The following FYN variants were observed in gnomAD, a reference collection of about 807,000 sequenced individuals.
FYN encodes the protein tyrosine-protein kinase Fyn.
FYN carries 10 observed loss-of-function variants against 70.2 expected under a neutral mutation model. That is an observed-to-expected ratio of 0.14 (90% CI 0.09 to 0.24). The LOEUF (loss-of-function observed/expected upper bound fraction) is 0.24. Among genes scored for constraint, FYN ranks in the 10% least tolerant of loss-of-function variants. FYN has a pLI of 1.00. For missense variants in FYN, 319 were observed against 673.1 expected, an observed-to-expected ratio of 0.47 and a Z score of 5.82; for synonymous variants, 236 against 248.6, an observed-to-expected ratio of 0.95 and a Z score of 0.48.
intron 2 of FYN, among the ~76,000 whole-genome samples, chr6:111,795,499 C>T (rs1447264647): frequency 2.6e-5 from 4 of 152,154 alleles, no homozygotes; most frequent in African/African-American, 7.2e-5. Context: ...CAAATTAGTA[C>T]AGGAATCACA....
chr6:111,733,237 T>C (rs1801549626), intron 3 of FYN, among the ~76,000 whole-genome samples: 1 of 152,196 alleles, frequency 6.6e-6, no homozygotes, highest in Non-Finnish European at 1.5e-5. Context: ...ACCTTTTACA[T>C]ATGCTATCTC....
rs1799604371 is a variant in FYN, at chr6:111,696,989, C to T, written c.863-533G>A. ...TGACTGAGTCCTTGCACAGGTGTGC[C>T]AAGCATGCTGATAAGCACTGGCAAG... On this transcript the variant is annotated intron_variant, in intron 9 of 13. Coordinates refer to ENST00000354650, the MANE Select transcript of FYN (RefSeq NM_002037.5). Among the ~76,000 whole-genome samples, 7 of 152,296 alleles carry T rather than the reference C, an allele frequency of 4.6e-5. No individual in the cohort carries two copies. The South Asian group carries it at 1.4e-3, about 32-fold the overall frequency.
At chr6:111,695,100 G>GGTC (rs769113413) in intron 10 of FYN, among the ~76,000 whole-genome samples, 20 of 152,292 alleles carry the variant, frequency 1.3e-4, no homozygotes, top group Non-Finnish European at 1.9e-4. Flanking sequence ...CCAAAACTGT[G>GGTC]GTCCTGGGAC....
At chr6:111,809,368 G>C (rs1344772331) in intron 2 of FYN, among the ~76,000 whole-genome samples, 5 of 152,208 alleles carry the variant, frequency 3.3e-5, no homozygotes, top group Non-Finnish European at 7.3e-5. Flanking sequence ...TAACCAATGA[G>C]AGACATTTAC....
intron 3 of FYN, among the ~76,000 whole-genome samples, chr6:111,727,187 A>C (rs1217950341): frequency 6.6e-6 from 1 of 152,114 alleles, no homozygotes; most frequent in Non-Finnish European, 1.5e-5. Context: ...GAGATGCTGG[A>C]CCATACTAGG....
intron 3 of FYN, among the ~76,000 whole-genome samples, chr6:111,755,437 G>C (rs1225965048): frequency 1.3e-5 from 2 of 152,184 alleles, no homozygotes; most frequent in Non-Finnish European, 2.9e-5. Flanking sequence ...TACAGTGAGA[G>C]ATTTTAATAA....
At chr6:111,768,129 G>A (rs978613841) in intron 3 of FYN, among the ~76,000 whole-genome samples, 4 of 152,206 alleles carry the variant, frequency 2.6e-5, no homozygotes, top group Non-Finnish European at 2.9e-5. Context: ...GCACACATGC[G>A]TGTATGTGGT....
At chr6:111,779,465 A>G (rs1441113888) in intron 3 of FYN, among the ~76,000 whole-genome samples, 1 of 152,132 alleles carries the variant, frequency 6.6e-6, no homozygotes, top group African/African-American at 2.4e-5. Context: ...GGTATCATCT[A>G]CCCCCACCCT....
At chr6:111,760,017 C>A in intron 3 of FYN, 1 of 151,422 alleles carries the variant, frequency 6.6e-6, no homozygotes. Flanking sequence ...TCTGTCCAGA[C>A]CAAATGAGAC....
chr6:111,707,958 T>C lies in FYN; in HGVS notation c.407A>G (p.Asn136Ser). The change falls in exon 6 of 14, where the codon AAT (asparagine) becomes AGT (serine). Residue 136 changes from asparagine (N) to serine (S), a missense_variant. Coordinates refer to ENST00000354650, the MANE Select transcript of FYN (RefSeq NM_002037.5). ...TTGETGYIPS[N>S]YVAPVDSIQA... ...GATAGAGTCAACTGGAGCCACATAA[T>C]TGCTGGGAATGTAACCTGTCTCTCC... 6.2e-7 allele frequency: 1 copy of C among 1,614,060 alleles called. No individual in the cohort carries two copies. Among genetic ancestry groups the C allele is most frequent in the Non-Finnish European group, 8.5e-7 (1 of 1,179,944 alleles).
intron 5 of FYN, among the ~76,000 whole-genome samples, chr6:111,711,117 C>T (rs1800357653): frequency 2.0e-5 from 3 of 152,242 alleles, no homozygotes; most frequent in East Asian, 3.9e-4. Context: ...TTGTGGGCCC[C>T]GGAGCTGGGA....
At chr6:111,731,862 G>T (rs1801473788) in intron 3 of FYN, among the ~76,000 whole-genome samples, 1 of 152,170 alleles carries the variant, frequency 6.6e-6, no homozygotes, top group South Asian at 2.1e-4. Flanking sequence ...AGCCCAGGGT[G>T]GTTGAATATG....
rs1260536848 is a variant in FYN, at chr6:111,780,539, A to G, written c.-12+27T>C. The stretch of plus-strand genomic sequence containing the variant: ...TGAGCACCCTTTTACAGCAAGAGGC[A>G]TTAGAAGTAAATGCAGCAACACTTA... On this transcript the variant is annotated intron_variant, in intron 3 of 13. Transcript: ENST00000354650. 2.0e-5 allele frequency: 3 copies of G among 152,662 alleles called. No homozygotes were observed. In the East Asian group the frequency reaches 5.8e-4, roughly 29 times the overall value. 9.5% of individuals were successfully genotyped at this position (152,662 alleles called of 1,614,324 possible). A position where few individuals can be genotyped will look rare whatever the true frequency, so the allele number is the denominator to read the frequency against.
At chr6:111,709,987 T>C (rs1244103198) in intron 5 of FYN, among the ~76,000 whole-genome samples, 1 of 147,258 alleles carries the variant, frequency 6.8e-6, no homozygotes, top group Non-Finnish European at 1.5e-5. Flanking sequence ...AAACACTGTA[T>C]GTGTTTAAGG....
rs1174782907 is a variant in FYN, at chr6:111,714,455, A to C, written c.248-12T>G. ...AAAGAGTGTCACTCCTGCCGAAACG[A>C]AATTCACAAGAAGGGAGATTATTAC... On this transcript the variant is annotated splice_polypyrimidine_tract_variant and intron_variant, in intron 4 of 13. Transcript: ENST00000354650. 6.3e-6 allele frequency: 10 copies of C among 1,590,678 alleles called. No homozygotes were observed. In the African/African-American group the frequency reaches 1.2e-4, roughly 19 times the overall value.
At chr6:111,701,824 C>T (rs1272051570) in intron 8 of FYN, among the ~76,000 whole-genome samples, 3 of 152,168 alleles carry the variant, frequency 2.0e-5, no homozygotes, top group Admixed American at 6.5e-5. Flanking sequence ...TCCACATAAA[C>T]CGAGTTAGCC....
chr6:111,870,568 A>G (rs965873316), intron 1 of FYN, among the ~76,000 whole-genome samples: 1 of 152,252 alleles, frequency 6.6e-6, no homozygotes, highest in African/African-American at 2.4e-5. Context: ...AGGAAACAAG[A>G]TAAGTAAGAT....
intron 3 of FYN, among the ~76,000 whole-genome samples, chr6:111,742,219 GC>G (rs1009481144): frequency 7.2e-5 from 11 of 152,126 alleles, no homozygotes; most frequent in African/African-American, 2.4e-4. Flanking sequence ...TTCCCTAAGA[GC>G]AAACCACCAG....
At chr6:111,722,859 A>C (rs706904) in intron 3 of FYN, among the ~76,000 whole-genome samples, 59,089 of 151,896 alleles carry the variant, frequency 0.39, 16,285 homozygotes, top group African/African-American at 0.78. Context: ...ACACGAAGGA[A>C]AGAATTTATA....
Sources: allele counts gnomAD v4.1 joint callset (sites outside exome capture counted in the v4.1 genomes callset), GRCh38; gene constraint gnomAD v4.1.1; transcripts MANE v1.5; gene names NCBI Gene and HGNC (gene_info 2026-07-23, HGNC 2026-07-21).